The following SLIT3 variants were observed in gnomAD, a reference collection of about 807,000 sequenced individuals.
SLIT3 encodes slit homolog 3 protein.
In SLIT3, 68 loss-of-function variants were observed where a neutral mutation model predicts 184.0. The ratio of observed to expected loss-of-function variants is 0.37; its 90% confidence interval spans 0.30 to 0.45. The LOEUF is 0.45. Among genes scored for constraint, SLIT3 ranks in the 20% least tolerant of loss-of-function variants. The probability of loss-of-function intolerance (pLI) is 1.00; values close to 1 mark genes in which losing one functional copy is unlikely to be tolerated. For missense variants in SLIT3, 1,707 were observed against 2,026.0 expected, an observed-to-expected ratio of 0.84 and a Z score of 3.02; for synonymous variants, 831 against 828.6, an observed-to-expected ratio of 1.00 and a Z score of -0.05.
At chr5:168,799,223 C>T (rs890257667) in intron 9 of SLIT3, among the ~76,000 whole-genome samples, 1 of 152,174 alleles carries the variant, frequency 6.6e-6, no homozygotes, top group African/African-American at 2.4e-5. Context: ...AAGGTCCAGA[C>T]TCCTAGTGTG....
intron 3 of SLIT3, among the ~76,000 whole-genome samples, chr5:169,241,218 T>C (rs1209825946): frequency 6.6e-6 from 1 of 152,172 alleles, no homozygotes; most frequent in Non-Finnish European, 1.5e-5. Flanking sequence ...TCCAGCTAAA[T>C]TAGGTTTAGG....
chr5:169,004,925 A>G (rs1755857979), intron 4 of SLIT3, among the ~76,000 whole-genome samples: 1 of 152,158 alleles, frequency 6.6e-6, no homozygotes, highest in Non-Finnish European at 1.5e-5. Flanking sequence ...GTGAAAAATA[A>G]GTGTCTGCTG....
intron 4 of SLIT3, among the ~76,000 whole-genome samples, chr5:169,159,610 C>T (rs772739925): frequency 1.3e-5 from 2 of 151,534 alleles, no homozygotes; most frequent in Non-Finnish European, 2.9e-5. Context: ...CCCGTCTCTA[C>T]TAAAAATACA....
chr5:168,841,179 T>C (rs1205320602), intron 6 of SLIT3, among the ~76,000 whole-genome samples: 1 of 152,208 alleles, frequency 6.6e-6, no homozygotes, highest in Admixed American at 6.5e-5. Flanking sequence ...AAAAGGCAGC[T>C]TGGTAGAATG....
At chr5:169,235,559 A>G (rs1160868134) in intron 3 of SLIT3, among the ~76,000 whole-genome samples, 1 of 152,160 alleles carries the variant, frequency 6.6e-6, no homozygotes, top group Non-Finnish European at 1.5e-5. Flanking sequence ...TAAAGTCAAT[A>G]CTTTTTTCAG....
At chr5:168,910,406 GCA>G (rs1364023452) in intron 4 of SLIT3, among the ~76,000 whole-genome samples, 2 of 151,818 alleles carry the variant, frequency 1.3e-5, no homozygotes, top group Non-Finnish European at 2.9e-5. Flanking sequence ...TTACACACTC[GCA>G]CACACACACA....
At chr5:169,183,200 G>A (rs1390990221) in intron 4 of SLIT3, among the ~76,000 whole-genome samples, 4 of 152,224 alleles carry the variant, frequency 2.6e-5, no homozygotes, top group Non-Finnish European at 5.9e-5. Flanking sequence ...TTCCTAGAAA[G>A]GGGGCAGGAA....
At chr5:168,711,615 A>C (rs966230654) in intron 24 of SLIT3, among the ~76,000 whole-genome samples, 1 of 152,178 alleles carries the variant, frequency 6.6e-6, no homozygotes, top group Admixed American at 6.5e-5. Flanking sequence ...TAGTGTATGC[A>C]CACATTATGA....
chr5:168,998,409 T>C (rs533401831), intron 4 of SLIT3, among the ~76,000 whole-genome samples: 1 of 152,064 alleles, frequency 6.6e-6, no homozygotes, highest in African/African-American at 2.4e-5. Context: ...CTTTGAAGGT[T>C]AGAACTAAGA....
intron 4 of SLIT3, among the ~76,000 whole-genome samples, chr5:169,176,888 G>C (rs1475576741): frequency 6.6e-6 from 1 of 152,166 alleles, no homozygotes; most frequent in Non-Finnish European, 1.5e-5. Context: ...CCCTCTTTCT[G>C]CCAGCACCCT....
chr5:169,179,599 G>A (rs903111519), intron 4 of SLIT3, among the ~76,000 whole-genome samples: 1 of 151,822 alleles, frequency 6.6e-6, no homozygotes, highest in African/African-American at 2.4e-5. Flanking sequence ...CTCTTTGGTG[G>A]GAGACCCACT....
intron 1 of SLIT3, among the ~76,000 whole-genome samples, chr5:169,259,630 G>T (rs540634451): frequency 6.6e-6 from 1 of 152,230 alleles, no homozygotes; most frequent in East Asian, 1.9e-4. Flanking sequence ...AACCTGTAGG[G>T]GCTACCATAC....
intron 4 of SLIT3, among the ~76,000 whole-genome samples, chr5:169,111,015 C>T (rs1285850229): frequency 6.6e-6 from 1 of 152,212 alleles, no homozygotes. Flanking sequence ...GCCCTCTCTG[C>T]AACGGCCTTA....
chr5:168,792,912 A>T (rs1756430752), intron 10 of SLIT3, among the ~76,000 whole-genome samples: 1 of 152,246 alleles, frequency 6.6e-6, no homozygotes, highest in Non-Finnish European at 1.5e-5. Context: ...GATGGATTGC[A>T]GTCAAAACTT....
chr5:169,011,298 A>G (rs1301443103), intron 4 of SLIT3, among the ~76,000 whole-genome samples: 1 of 152,186 alleles, frequency 6.6e-6, no homozygotes, highest in Admixed American at 6.5e-5. Flanking sequence ...TCCAGTGTGT[A>G]AAAAAGCCAG....
chr5:168,685,678 G>A lies in SLIT3; in HGVS notation c.3555+9C>T, dbSNP rs762339221. The A allele has an allele frequency of 2.2e-5, 34 of 1,541,168 alleles. No homozygotes were observed. The highest frequency in any genetic ancestry group is 2.1e-4 in the Admixed American group (11 of 53,092). The stretch of plus-strand genomic sequence containing the variant: ...GGTCCTTCCAAGGGCAGGGCAGGGC[G>A]GGACACACCTGCAGGGAGATGTTGG... On this transcript the variant is annotated intron_variant, in intron 31 of 35. Coordinates refer to ENST00000519560, the MANE Select transcript of SLIT3 (RefSeq NM_003062.4).
At chr5:169,250,267 CATT>C (rs1160116402) in intron 2 of SLIT3, among the ~76,000 whole-genome samples, 6 of 152,176 alleles carry the variant, frequency 3.9e-5, no homozygotes, top group African/African-American at 1.4e-4. Context: ...TATCCATCAT[CATT>C]ATTACTAACA....
chr5:168,736,931 C>T (rs56136711), intron 20 of SLIT3, among the ~76,000 whole-genome samples: 24,665 of 152,172 alleles, frequency 0.16, 2,410 homozygotes, highest in Non-Finnish European at 0.22. Flanking sequence ...GGTTATCTCA[C>T]CTGCAAAATG....
At chr5:169,167,268 CTTTTTTTTT>C (rs11287374) in intron 4 of SLIT3, among the ~76,000 whole-genome samples, 3 of 90,590 alleles carry the variant, frequency 3.3e-5, no homozygotes, top group African/African-American at 8.9e-5. Flanking sequence ...GTTCTAAGCA[CTTTTTTTTT>C]TTTTTTTTTT....
Sources: allele counts gnomAD v4.1 joint callset (sites outside exome capture counted in the v4.1 genomes callset), GRCh38; gene constraint gnomAD v4.1.1; transcripts MANE v1.5; gene names NCBI Gene and HGNC (gene_info 2026-07-23, HGNC 2026-07-21).